NXPE1: variants seen among roughly 807,000 people sequenced by gnomAD.
The protein encoded by NXPE1 is NXPE family member 1.
NXPE1 carries 31 observed loss-of-function variants against 33.3 expected under a neutral mutation model. The observed-to-expected ratio is 0.93, with a 90% CI of 0.70 to 1.26. NXPE1 has a LOEUF of 1.26. NXPE1 is among the 50% of genes most tolerant of loss of function. NXPE1 has a pLI of 0.00. For synonymous variants in NXPE1, 229 were observed against 231.4 expected (o/e 0.99, Z 0.09); for missense variants, 661 against 655.6 (o/e 1.01, Z -0.09).
intron 7 of NXPE1, 150 bp from the exon 8 acceptor site, chr11:114,523,241 T>C (rs1947270828): frequency 1.6e-6 from 1 of 620,906 alleles, no homozygotes; most frequent in Admixed American, 2.9e-5. Context: ...TCTTTGATCA[T>C]TAGCTTTGCT....
rs528352074 is a variant in NXPE1 at position 114,537,300 on chromosome 11, T to C, written c.100-6392A>G. Among the ~76,000 whole-genome samples, 4 of 152,316 alleles carry C rather than the reference T, an allele frequency of 2.6e-5. No individual in the cohort carries two copies. The South Asian group carries it at 8.3e-4, about 32-fold the overall frequency. ...ATATCTCAAAATAATAAGAGCTATC[T>C]ATGACAACCCCACAGCCAATATCAT... On this transcript the variant is annotated intron_variant, in intron 5 of 8. Coordinates refer to ENST00000534921, the Ensembl canonical transcript of NXPE1.
intron 6 of NXPE1, chr11:114,529,656 C>T: frequency 6.3e-6 from 1 of 158,958 alleles, no homozygotes; most frequent in Admixed American, 5.8e-5. Flanking sequence ...ATCATGGGAT[C>T]AACTGGAGAA....
exon 6 of NXPE1, chr11:114,530,725 T>C (rs1363485013): frequency 1.2e-6 from 2 of 1,614,046 alleles, no homozygotes; most frequent in Non-Finnish European, 1.7e-6. Context: ...GCACTGGTGG[T>C]GGTGTTCACA....
chr11:114,540,074 G>C (rs1461997245), intron 5 of NXPE1, among the ~76,000 whole-genome samples: 2 of 152,186 alleles, frequency 1.3e-5, no homozygotes, highest in Admixed American at 1.3e-4. Context: ...TCCTGCCTCA[G>C]CCGCCTGAAT....
At chr11:114,554,510 G>T (rs950447280) in intron 1 of NXPE1, 2 of 400,384 alleles carry the variant, frequency 5.0e-6, no homozygotes, top group Non-Finnish European at 6.8e-6. Context: ...TATAACAAAA[G>T]CCAATTATAC....
chr11:114,537,493 C>T (rs1432961874), intron 5 of NXPE1, among the ~76,000 whole-genome samples: 10 of 152,172 alleles, frequency 6.6e-5, no homozygotes, highest in Non-Finnish European at 1.3e-4. Flanking sequence ...GTCAGATTGT[C>T]CCTGTTTGCA....
intron 5 of NXPE1, among the ~76,000 whole-genome samples, chr11:114,543,514 CTGTT>C (rs1305476756): frequency 1.8e-5 from 2 of 108,440 alleles, no homozygotes; most frequent in African/African-American, 9.9e-5. Context: ...GAGTGAGACC[CTGTT>C]TAAAAAAAAA....
At chr11:114,520,489 C>G (rs185085220), downstream of NXPE1, among the ~76,000 whole-genome samples, 163 of 152,268 alleles carry the variant, frequency 1.1e-3, no homozygotes, top group Non-Finnish European at 1.6e-3. Context: ...TACATATATA[C>G]TGCAAATTAT....
At chr11:114,530,023 A>G (rs1447102486) in intron 6 of NXPE1, 152 bp downstream of exon 6, 3 of 720,988 alleles carry the variant, frequency 4.2e-6, no homozygotes, top group Non-Finnish European at 6.8e-6. Context: ...TTTGGCCTAG[A>G]GTGGTGAGTA....
chr11:114,540,599 T>C (rs1470174713), intron 5 of NXPE1, among the ~76,000 whole-genome samples: 2 of 152,116 alleles, frequency 1.3e-5, no homozygotes, highest in Admixed American at 1.3e-4. Flanking sequence ...AAAAGAGTTC[T>C]GTTTCAATAT....
At chr11:114,519,963 C>CCCACCGCAAGCTCGCCTCCCGG (rs369710147), downstream of NXPE1, among the ~76,000 whole-genome samples, 1 of 149,246 alleles carries the variant, frequency 6.7e-6, no homozygotes, top group Admixed American at 6.6e-5. Context: ...GCCATCTCGG[C>CCCACCGCAAGCTCGCCTCCCGG]GAGCTTGCCC....
At chr11:114,530,200 C>A (rs774850877) in exon 6 of NXPE1, 2 of 1,609,418 alleles carry the variant, frequency 1.2e-6, no homozygotes, top group Admixed American at 1.7e-5. Flanking sequence ...TTTTCCTTGT[C>A]TGTAAGATAA....
chr11:114,535,066 G>A (rs1185265215), intron 5 of NXPE1, among the ~76,000 whole-genome samples: 3 of 152,220 alleles, frequency 2.0e-5, no homozygotes, highest in Admixed American at 6.5e-5. Flanking sequence ...AAGCCCATCA[G>A]ACTAACAGCT....
At chr11:114,538,226 A>C (rs1947923907) in intron 5 of NXPE1, among the ~76,000 whole-genome samples, 2 of 152,262 alleles carry the variant, frequency 1.3e-5, no homozygotes, top group Non-Finnish European at 2.9e-5. Flanking sequence ...GGCTAGCCAT[A>C]TGTAGAAAGC....
intron 5 of NXPE1, among the ~76,000 whole-genome samples, chr11:114,537,443 G>A (rs11215042): frequency 0.23 from 34,440 of 152,080 alleles, 5,491 homozygotes; most frequent in African/African-American, 0.44. Context: ...AAATGAGGCA[G>A]GAGAAGGGGA....
chr11:114,539,800 T>G (rs979034204), intron 5 of NXPE1, among the ~76,000 whole-genome samples: 5 of 152,118 alleles, frequency 3.3e-5, no homozygotes, highest in Non-Finnish European at 5.9e-5. Flanking sequence ...GTAGATACCT[T>G]AGAAGCAGAC....
intron 8 of NXPE1, 62 bp downstream of exon 8, chr11:114,522,817 C>T: frequency 1.7e-6 from 2 of 1,171,400 alleles, no homozygotes; most frequent in African/African-American, 3.0e-5. Context: ...AGAATAGAGA[C>T]CTCATTAAAA....
Position 114,522,519 on chromosome 11 carries a change from A to G in NXPE1, c.1109-16T>C, listed in dbSNP as rs756826123. ...AACTTCAGTGCTGATAAAAAAACAA[A>G]TAGATGTTTTAAATAGAAGATAATG... On this transcript the variant is annotated splice_polypyrimidine_tract_variant and intron_variant, in intron 8 of 8. Coordinates refer to ENST00000534921, the Ensembl canonical transcript of NXPE1. 1.9e-6 allele frequency: 3 copies of G among 1,550,062 alleles called. No homozygotes were observed. The highest frequency in any genetic ancestry group is 2.6e-6 in the Non-Finnish European group (3 of 1,143,472).
At chr11:114,549,605 C>T (rs1948403568) in intron 5 of NXPE1, among the ~76,000 whole-genome samples, 1 of 152,096 alleles carries the variant, frequency 6.6e-6, no homozygotes, top group South Asian at 2.1e-4. Flanking sequence ...AAAATATATA[C>T]TTTAACTCAA....
Sources: allele counts gnomAD v4.1 joint callset (sites outside exome capture counted in the v4.1 genomes callset), GRCh38; gene constraint gnomAD v4.1.1; transcripts MANE v1.5; gene names NCBI Gene and HGNC (gene_info 2026-07-23, HGNC 2026-07-21).